Variants in MCF2L observed in about 807,000 individuals in gnomAD.
MCF2L encodes MCF.2 cell line derived transforming sequence like, also known as guanine nucleotide exchange factor DBS.
A neutral mutation model predicts 153.4 loss-of-function variants in MCF2L; 97 were observed. The observed-to-expected ratio is 0.63, with a 90% CI of 0.54 to 0.75. MCF2L has a LOEUF of 0.75. Among genes scored for constraint, MCF2L ranks in the 30% least tolerant of loss-of-function variants. The probability of loss-of-function intolerance (pLI) is 0.00; values close to 1 mark genes in which losing one functional copy is unlikely to be tolerated. For missense variants in MCF2L, 1,347 were observed against 1,495.2 expected (o/e 0.90, Z 1.64); for synonymous variants, 659 against 632.2 (o/e 1.04, Z -0.64).
chr13:113,089,041 G>C (rs1171413337), intron 25 of MCF2L, among the ~76,000 whole-genome samples: 1 of 151,946 alleles, frequency 6.6e-6, no homozygotes, highest in African/African-American at 2.4e-5. Flanking sequence ...TCTTTATTTT[G>C]TTCATCCACT....
At chr13:113,088,172 G>A (rs941682042) in intron 23 of MCF2L, among the ~76,000 whole-genome samples, 155 bp from the exon 24 acceptor site, 6 of 152,088 alleles carry the variant, frequency 3.9e-5, no homozygotes, top group Non-Finnish European at 5.9e-5. Flanking sequence ...CCCGCAATGC[G>A]GGGCCACCCA....
rs753980941 is a variant in MCF2L, at chr13:113,096,887, GCT to G, written c.*29_*30del. The G allele has an allele frequency of 1.0e-4, 136 of 1,330,730 alleles. No homozygotes were observed. Among genetic ancestry groups the G allele is most frequent in the Non-Finnish European group, 1.2e-4 (122 of 1,038,352 alleles). The allele number at this position is 1,330,730 out of a possible 1,614,324, so 82.4% of individuals were successfully genotyped here. A position where few individuals can be genotyped will look rare whatever the true frequency, so the allele number is the denominator to read the frequency against. On this transcript the variant is annotated 3_prime_UTR_variant, in exon 30 of 30. Coordinates refer to ENST00000535094, the MANE Select transcript of MCF2L (RefSeq NM_001112732.3). ...CGGCCTCGGCGCCGGAGACCCGCGC[GCT>G]GTCTGGGGCTGCGGTGGCGTGGGGA... is the stretch of plus-strand genomic sequence containing the variant.
At chr13:113,012,310 G>A (rs2084195058) in intron 1 of MCF2L, among the ~76,000 whole-genome samples, 2 of 114,006 alleles carry the variant, frequency 1.8e-5, no homozygotes, top group African/African-American at 3.1e-5. Flanking sequence ...CAGTGTGGAT[G>A]GTGGACAGGT....
upstream of MCF2L, chr13:112,968,547 G>A: frequency 2.6e-6 from 4 of 1,552,114 alleles, no homozygotes; most frequent in Admixed American, 1.9e-5. Flanking sequence ...ATGCCCCTGC[G>A]GGGAGGGGCT....
chr13:112,937,149 G>C (rs2081523448), intron 2 of MCF2L, among the ~76,000 whole-genome samples: 1 of 152,120 alleles, frequency 6.6e-6, no homozygotes, highest in South Asian at 2.1e-4. Context: ...TGCCTCCTGG[G>C]CTCAAGCTGT....
intron 1 of MCF2L, among the ~76,000 whole-genome samples, chr13:112,986,869 G>C (rs2082666469): frequency 6.6e-6 from 1 of 152,380 alleles, no homozygotes; most frequent in Admixed American, 6.5e-5. Flanking sequence ...GCCGTCTAGG[G>C]TTCTCTCAGG....
chr13:113,064,564 C>T lies in MCF2L; in HGVS notation c.606+144C>T. 1.6e-6 allele frequency: 1 copy of T among 638,354 alleles called. No homozygotes were observed. The highest frequency in any genetic ancestry group is 2.8e-6 in the Non-Finnish European group (1 of 355,158). The allele number at this position is 638,354 out of a possible 1,614,324, so 39.5% of individuals were successfully genotyped here. A position where few individuals can be genotyped will look rare whatever the true frequency, so the allele number is the denominator to read the frequency against. On this transcript the variant is annotated intron_variant, in intron 6 of 29. Transcript: ENST00000535094. The surrounding 1 kb of genome is among the most constrained non-coding windows in gnomAD (Gnocchi z 6.0). ...TTTCCCAAGAATGAGGAGATGGTCT[C>T]AGTGGACCTTAGTCATTGTAAAGAA...
intron 22 of MCF2L, 101 bp from the exon 23 acceptor site, chr13:113,087,606 C>G: frequency 8.4e-7 from 1 of 1,196,494 alleles, no homozygotes; most frequent in Non-Finnish European, 1.2e-6. Flanking sequence ...GCCCTCACCC[C>G]CAAAGTATTT....
At chr13:112,923,122 T>G (rs1371706203) in intron 2 of MCF2L, among the ~76,000 whole-genome samples, 1 of 152,204 alleles carries the variant, frequency 6.6e-6, no homozygotes, top group Admixed American at 6.5e-5. Flanking sequence ...GATTCCTCAA[T>G]ATTATGTTTC....
In MCF2L at chr13:113,031,557, C is replaced by A. The variant is rs28585450; in HGVS notation, c.278+6799C>A. On this transcript the variant is annotated intron_variant, in intron 3 of 29. Transcript: ENST00000535094. This position sits in a 1 kb window ranked among gnomAD's most constrained non-coding sequence, Gnocchi z 5.5. ...AAGTGGGTGCCAAAGAGTTCATGAG[C>A]TGCCAGAATGCAGGGTGGAGGGAGA... Among the ~76,000 whole-genome samples, 671 of 151,520 alleles carry A rather than the reference C, an allele frequency of 4.4e-3. 23 individuals carry two copies. The East Asian group carries it at 0.091, about 21-fold the overall frequency.
chr13:112,907,517 A>G lies in MCF2L; in HGVS notation c.169+5146A>G, dbSNP rs914690548. Among the ~76,000 whole-genome samples, 3 of 152,052 alleles carry G rather than the reference A, an allele frequency of 2.0e-5. No individual in the cohort carries two copies. The highest frequency in any genetic ancestry group is 4.8e-5 in the African/African-American group (2 of 41,416). On this transcript the variant is annotated intron_variant, in intron 2 of 29. Transcript: ENST00000375608. The surrounding 1 kb of genome is among the most constrained non-coding windows in gnomAD (Gnocchi z 5.1). ...GGTGGAGAATGGCTGAATCCTGGCA[A>G]CTGTGGCCTTTGCAGGGGCTGTAGT... is the stretch of plus-strand genomic sequence containing the variant.
rs553531033 is a variant in MCF2L, at chr13:113,027,148, C to T, written c.278+2390C>T. 17 of 689,032 alleles carry T rather than the reference C, an allele frequency of 2.5e-5. No homozygotes were observed. Among genetic ancestry groups the T allele is most frequent in the Middle Eastern group, 2.4e-4 (1 of 4,154 alleles). The allele number at this position is 689,032 out of a possible 1,614,324, so 42.7% of individuals were successfully genotyped here. A position where few individuals can be genotyped will look rare whatever the true frequency, so the allele number is the denominator to read the frequency against. On this transcript the variant is annotated intron_variant, in intron 3 of 29. Coordinates refer to ENST00000535094, the MANE Select transcript of MCF2L (RefSeq NM_001112732.3). The surrounding 1 kb of genome is among the most constrained non-coding windows in gnomAD (Gnocchi z 4.8). Reference sequence around the variant, plus strand: ...TTAACCATCAGCGTGAAAGTGCAGCCGTGGCCATTACCGTGAAGGTTCTTC... The same window carrying T: ...TTAACCATCAGCGTGAAAGTGCAGCTGTGGCCATTACCGTGAAGGTTCTTC...
chr13:113,049,600 C>T (rs557819935), intron 4 of MCF2L, among the ~76,000 whole-genome samples: 1 of 152,336 alleles, frequency 6.6e-6, no homozygotes, highest in Admixed American at 6.5e-5. Context: ...AAAACTAGCA[C>T]TTAGCAACAG....
At chr13:112,905,074 C>T (rs564125376) in intron 2 of MCF2L, among the ~76,000 whole-genome samples, 12 of 152,292 alleles carry the variant, frequency 7.9e-5, no homozygotes, top group Admixed American at 3.9e-4. Context: ...ATTAAACACC[C>T]GCTCCCATTC....
chr13:113,014,473 C>A (rs1463597708), intron 1 of MCF2L, among the ~76,000 whole-genome samples: 1 of 152,236 alleles, frequency 6.6e-6, no homozygotes, highest in Non-Finnish European at 1.5e-5. Context: ...TGCCTCCCCT[C>A]TGCCCAGGTC....
chr13:112,920,523 T>C (rs1201215899), intron 2 of MCF2L, among the ~76,000 whole-genome samples: 1 of 152,118 alleles, frequency 6.6e-6, no homozygotes, highest in African/African-American at 2.4e-5. Context: ...TGCCTGTGGA[T>C]GGCCGGTGAC....
chr13:113,000,657 A>G (rs1278398887), intron 1 of MCF2L, among the ~76,000 whole-genome samples: 3 of 152,234 alleles, frequency 2.0e-5, no homozygotes. Flanking sequence ...CGAGGTTTCC[A>G]GAGGCAGGAG....
intron 1 of MCF2L, among the ~76,000 whole-genome samples, chr13:113,000,750 T>C (rs2083332046): frequency 6.6e-6 from 1 of 152,166 alleles, no homozygotes; most frequent in African/African-American, 2.4e-5. Context: ...GGGCTGGCTG[T>C]GCTGTGCTGG....
intron 1 of MCF2L, among the ~76,000 whole-genome samples, chr13:112,996,636 G>A (rs552741826): frequency 3.3e-5 from 5 of 152,184 alleles, no homozygotes; most frequent in African/African-American, 4.8e-5. Context: ...CTCCTCAGGT[G>A]TGCCCCACGG....
Sources: allele counts gnomAD v4.1 joint callset (sites outside exome capture counted in the v4.1 genomes callset), GRCh38; gene constraint gnomAD v4.1.1; non-coding constraint Gnocchi (gnomAD v3.1); transcripts MANE v1.5; gene names NCBI Gene and HGNC (gene_info 2026-07-23, HGNC 2026-07-21).